Variants in IARS1 observed in about 807,000 individuals in gnomAD.
IARS1 encodes isoleucine--tRNA ligase, cytoplasmic.
A neutral mutation model predicts 168.2 loss-of-function variants in IARS1; 124 were observed. The observed-to-expected ratio is 0.74, with a 90% CI of 0.64 to 0.86. IARS1 has a LOEUF of 0.86. Among genes scored for constraint, IARS1 ranks in the 40% least tolerant of loss-of-function variants. IARS1 has a pLI of 0.00. For missense variants in IARS1, 1,452 were observed against 1,515.8 expected (o/e 0.96, Z 0.70); for synonymous variants, 532 against 529.4 (o/e 1.00, Z -0.07).
At chr9:92,240,036 C>A (rs755211084) in intron 30 of IARS1, among the ~76,000 whole-genome samples, 5 of 152,032 alleles carry the variant, frequency 3.3e-5, no homozygotes, top group Admixed American at 6.5e-5. Context: ...TTTGGGTATA[C>A]GAGGCAGAAA....
chr9:92,246,584 T>A (rs964167053), intron 26 of IARS1, among the ~76,000 whole-genome samples: 1 of 152,170 alleles, frequency 6.6e-6, no homozygotes, highest in African/African-American at 2.4e-5. Flanking sequence ...ACCATAATTA[T>A]TTTCCCAAAT....
intron 2 of IARS1, 48 bp from the exon 3 acceptor site, chr9:92,288,330 T>C (rs1461913688): frequency 6.4e-7 from 1 of 1,558,886 alleles, no homozygotes; most frequent in Non-Finnish European, 8.8e-7. Context: ...CAGCCAAAAT[T>C]TAAGGCATTT....
At chr9:92,237,919 T>G (rs1187379242) in intron 30 of IARS1, among the ~76,000 whole-genome samples, 1 of 152,170 alleles carries the variant, frequency 6.6e-6, no homozygotes, top group Non-Finnish European at 1.5e-5. Flanking sequence ...TCTGCTTGTT[T>G]TTTTGAGACA....
chr9:92,261,598 T>C (rs1386146703), intron 17 of IARS1, among the ~76,000 whole-genome samples: 1 of 152,208 alleles, frequency 6.6e-6, no homozygotes, highest in Admixed American at 6.5e-5. Context: ...TAGAGAAATC[T>C]GAATACGATT....
intron 22 of IARS1, among the ~76,000 whole-genome samples, chr9:92,251,435 G>GAT (rs1445327016): frequency 2.6e-5 from 4 of 152,014 alleles, no homozygotes; most frequent in East Asian, 3.9e-4. Flanking sequence ...TATTTTTTGT[G>GAT]ATATATATAT....
At chr9:92,265,649 G>A (rs1832186113) in intron 14 of IARS1, 96 bp from the exon 15 acceptor site, 2 of 987,458 alleles carry the variant, frequency 2.0e-6, no homozygotes, top group Non-Finnish European at 3.2e-6. Flanking sequence ...TTGAGAGACT[G>A]ATGATTTTCT....
rs1382695252 is a variant in IARS1, at chr9:92,280,881, G to T, written c.610C>A (p.Pro204Thr). 1.2e-6 allele frequency: 2 copies of T among 1,608,198 alleles called. No individual in the cohort carries two copies. Among genetic ancestry groups the T allele is most frequent in the East Asian group, 4.5e-5 (2 of 44,696 alleles). ...SHQNYKDVQD[P>T]SVFVTFPLEE... The stretch of plus-strand genomic sequence containing the variant: ...AAAGGGAAAGTTACAAATACTGAAG[G>T]ATCTTGAACATCCTGAAATAAATTG... Residue 204 changes from proline to threonine, a missense_variant, in exon 7 of 34, where the codon CCT becomes ACT. Pro to Thr is a conservative substitution (Grantham distance 38). Coordinates refer to ENST00000443024, the MANE Select transcript of IARS1 (RefSeq NM_002161.6).
intron 14 of IARS1, among the ~76,000 whole-genome samples, chr9:92,266,205 A>AT (rs916729414): frequency 4.6e-5 from 7 of 152,256 alleles, no homozygotes; most frequent in African/African-American, 1.7e-4. Context: ...AGTAACTGGC[A>AT]TAAGTGAAAC....
intron 23 of IARS1, 101 bp downstream of exon 23, chr9:92,250,610 GCA>G (rs1829875947): frequency 7.7e-7 from 1 of 1,296,390 alleles, no homozygotes; most frequent in Non-Finnish European, 1.0e-6. Flanking sequence ...GGGAGGCAAG[GCA>G]CAGATGGAGC....
chr9:92,239,267 T>G (rs570159833), intron 30 of IARS1, among the ~76,000 whole-genome samples: 1 of 152,348 alleles, frequency 6.6e-6, no homozygotes, highest in South Asian at 2.1e-4. Flanking sequence ...TTCTTTCACT[T>G]GAGAATGTCT....
At chr9:92,289,127 C>T (rs1835909918) in intron 2 of IARS1, among the ~76,000 whole-genome samples, 174 bp downstream of exon 2, 1 of 146,616 alleles carries the variant, frequency 6.8e-6, no homozygotes, top group Non-Finnish European at 1.5e-5. Flanking sequence ...GAATCACTTG[C>T]ATCCGGGAGG....
chr9:92,227,220 C>G (rs1167013200), intron 31 of IARS1, among the ~76,000 whole-genome samples: 2 of 145,380 alleles, frequency 1.4e-5, no homozygotes, highest in African/African-American at 2.6e-5. Flanking sequence ...TACACAGACA[C>G]GGCAACCATC....
At chr9:92,228,646 C>T (rs777839162) in intron 31 of IARS1, among the ~76,000 whole-genome samples, 1 of 152,086 alleles carries the variant, frequency 6.6e-6, no homozygotes. Flanking sequence ...CCCAGGAGGC[C>T]GAGGGTGCAG....
chr9:92,250,614 A>C (rs1307339408), intron 23 of IARS1, 99 bp downstream of exon 23: 20 of 1,331,590 alleles, frequency 1.5e-5, no homozygotes, highest in Non-Finnish European at 2.0e-5. Context: ...GGCAAGGCAC[A>C]GATGGAGCTG....
intron 31 of IARS1, 119 bp downstream of exon 31, chr9:92,228,882 C>T: frequency 8.7e-7 from 1 of 1,149,306 alleles, no homozygotes; most frequent in Non-Finnish European, 1.3e-6. Context: ...AGAGTTGGGC[C>T]CTGACTCAAG....
chr9:92,221,631 T>C (rs1250228331), intron 33 of IARS1, among the ~76,000 whole-genome samples: 2 of 151,988 alleles, frequency 1.3e-5, no homozygotes, highest in Admixed American at 6.6e-5. Context: ...ATCTCAGAAG[T>C]GAATAGTGCT....
chr9:92,265,361 CA>C, intron 15 of IARS1, 118 bp downstream of exon 15: 1 of 973,580 alleles, frequency 1.0e-6, no homozygotes, highest in Non-Finnish European at 1.6e-6. Flanking sequence ...TGACATGAGT[CA>C]TCAGCAAAGT....
At chr9:92,276,484 T>C (rs1205923573) in intron 9 of IARS1, among the ~76,000 whole-genome samples, 1 of 151,900 alleles carries the variant, frequency 6.6e-6, no homozygotes, top group Non-Finnish European at 1.5e-5. Flanking sequence ...CATATGGAAA[T>C]CCACTGGGCA....
rs779451907 is a variant in IARS1, at chr9:92,287,776, A to G, written c.396+15T>C. On this transcript the variant is annotated intron_variant, in intron 4 of 33. Transcript: ENST00000443024. The stretch of plus-strand genomic sequence containing the variant: ...TACATTTGCTGTTCATTCTACTGAA[A>G]AAAACCCAACATACCTTCCACTCAG... 6.2e-7 allele frequency: 1 copy of G among 1,604,360 alleles called. No individual in the cohort carries two copies. Among genetic ancestry groups the G allele is most frequent in the Non-Finnish European group, 8.5e-7 (1 of 1,175,228 alleles).
Sources: gnomAD v4.1 joint callset for allele counts (sites outside exome capture counted in the v4.1 genomes callset) on GRCh38, gnomAD v4.1.1 for gene constraint, MANE v1.5 for transcripts, NCBI Gene and HGNC (gene_info 2026-07-23, HGNC 2026-07-21) for gene names.